The following CAT variants were observed in gnomAD, a reference collection of about 807,000 sequenced individuals.
CAT encodes epididymis secretory sperm binding protein.
In CAT, 43 loss-of-function variants were observed where a neutral mutation model predicts 59.0. The observed-to-expected ratio is 0.73, with a 90% CI of 0.57 to 0.94. The LOEUF (loss-of-function observed/expected upper bound fraction) is 0.94, where lower values mean the gene tolerates loss of function less well. Ranked by LOEUF, CAT falls within the 40% of genes least tolerant of loss-of-function variation. The pLI is 0.00. For missense variants in CAT, 664 were observed against 682.9 expected (o/e 0.97, Z 0.31); for synonymous variants, 218 against 230.9 (o/e 0.94, Z 0.51).
In CAT at chr11:34,455,275, T is replaced by G. The variant is rs1483300665; in HGVS notation, c.712-736T>G. Among the ~76,000 whole-genome samples the G allele has an allele frequency of 2.6e-5, 4 of 152,138 alleles. No individual in the cohort carries two copies. In the East Asian group the frequency reaches 5.8e-4, roughly 22 times the overall value. ...GAAATAGACCAGCGTTCAGAGTTGA[T>G]TTTTGCTAAGGAAATCTTTCTGCGG... On this transcript the variant is annotated intron_variant, in intron 6 of 12. Coordinates refer to ENST00000241052, the MANE Select transcript of CAT (RefSeq NM_001752.4).
In CAT at chr11:34,471,845, T is replaced by G. The variant is rs1445014485; in HGVS notation, c.*412T>G. ...GATGATCTACTCAGAAATTTTTATT[T>G]TTCTAAGGTTCTCATAGGAAAAGTA... On this transcript the variant is annotated 3_prime_UTR_variant, in exon 13 of 13. Transcript: ENST00000241052. The G allele has an allele frequency of 5.0e-6, 1 of 201,790 alleles. No homozygotes were observed. Among genetic ancestry groups the G allele is most frequent in the African/African-American group, 2.4e-5 (1 of 42,388 alleles). The allele number at this position is 201,790 out of a possible 1,614,324, so 12.5% of individuals were successfully genotyped here.
chr11:34,457,282 G>A (rs1205329042), intron 8 of CAT, among the ~76,000 whole-genome samples: 30 of 135,544 alleles, frequency 2.2e-4, no homozygotes, highest in African/African-American at 5.7e-4. Flanking sequence ...GCATGATCTC[G>A]GCTCACTGCA....
chr11:34,470,762 C>T (rs16925614), intron 11 of CAT, 196 bp from the exon 12 acceptor site: 88,291 of 650,328 alleles, frequency 0.14, 6,715 homozygotes, highest in Admixed American at 0.2. Flanking sequence ...CGAGGTTGCT[C>T]AGCCAGTATA....
chr11:34,445,358 T>C (rs1306591004), intron 1 of CAT, among the ~76,000 whole-genome samples: 1 of 146,778 alleles, frequency 6.8e-6, no homozygotes, highest in Non-Finnish European at 1.5e-5. Flanking sequence ...CTGGGTGTGG[T>C]GGTGGTCGCC....
intron 1 of CAT, 100 bp downstream of exon 1, chr11:34,439,179 A>C: frequency 8.8e-7 from 1 of 1,133,114 alleles, no homozygotes; most frequent in Non-Finnish European, 1.3e-6. Context: ...GCTTGGAGGG[A>C]CTGTACCGCG....
rs545564350 is a variant in CAT at position 34,466,767 on chromosome 11, C to A, written c.1327-1521C>A. On this transcript the variant is annotated intron_variant, in intron 10 of 12. Transcript: ENST00000241052. ...CTGCACTCCAGCCTGGGCGACAGAGCGAGACTCCGTCTCAAAAAAAAAAAA... is the reference window on the plus strand; with the variant it reads ...CTGCACTCCAGCCTGGGCGACAGAGAGAGACTCCGTCTCAAAAAAAAAAAA... 1.6e-4 allele frequency among the ~76,000 whole-genome samples: 18 copies of A among 109,260 alleles called. No individual in the cohort carries two copies. In the Admixed American group the frequency reaches 1.7e-3, roughly 11 times the overall value. 71.7% of individuals were successfully genotyped at this position (109,260 alleles called of 152,430 possible).
chr11:34,457,728 A>ATAAT (rs1170735060), intron 8 of CAT, among the ~76,000 whole-genome samples: 1 of 152,238 alleles, frequency 6.6e-6, no homozygotes, highest in Non-Finnish European at 1.5e-5. Flanking sequence ...CAGTAAGAAA[A>ATAAT]TAATTGGCTT....
At chr11:34,469,094 G>A (rs981654123) in intron 11 of CAT, among the ~76,000 whole-genome samples, 3 of 152,154 alleles carry the variant, frequency 2.0e-5, no homozygotes, top group Admixed American at 6.5e-5. Context: ...GCCGCTCATC[G>A]AGCTGAGTGA....
intron 11 of CAT, among the ~76,000 whole-genome samples, chr11:34,469,791 C>T (rs1856755471): frequency 6.6e-6 from 1 of 151,910 alleles, no homozygotes; most frequent in Non-Finnish European, 1.5e-5. Context: ...TCAGCCTCCC[C>T]AGTAGCTTGG....
chr11:34,460,837 C>A (rs970001197), intron 8 of CAT: 25 of 266,362 alleles, frequency 9.4e-5, no homozygotes, highest in African/African-American at 5.6e-4. Context: ...ATGATTGGTT[C>A]CTTCCCTGGA....
intron 8 of CAT, 170 bp from the exon 9 acceptor site, chr11:34,461,081 C>T (rs1344997333): frequency 3.9e-6 from 3 of 765,988 alleles, no homozygotes; most frequent in African/African-American, 3.4e-5. Context: ...TTAGGGAGAA[C>T]TCGTTTCATA....
Position 34,449,308 on chromosome 11 carries a change from G to C in CAT, c.183G>C (p.Met61Ile). 6.2e-7 allele frequency: 1 copy of C among 1,614,156 alleles called. No homozygotes were observed. The highest frequency in any genetic ancestry group is 8.5e-7 in the Non-Finnish European group (1 of 1,179,998). ...LVQDVVFTDE[M>I]AHFDRERIPE... ...AGGATGTGGTTTTCACTGATGAAAT[G>C]GCTCATTTTGACCGAGAGAGAATTC... is the stretch of plus-strand genomic sequence containing the variant. Residue 61 changes from methionine (M) to isoleucine (I), a missense_variant, in exon 2 of 13, where the codon ATG (methionine) becomes ATC (isoleucine). By Grantham distance (10) the Met-to-Ile change is conservative (BLOSUM62 1). Coordinates refer to ENST00000241052, the MANE Select transcript of CAT (RefSeq NM_001752.4).
At chr11:34,450,934 C>G in intron 2 of CAT, 54 bp from the exon 3 acceptor site, 1 of 1,200,042 alleles carries the variant, frequency 8.3e-7, no homozygotes, top group South Asian at 1.2e-5. Flanking sequence ...TGTTGAGGAC[C>G]TGAATGTCTG....
intron 8 of CAT, chr11:34,460,817 TA>T: frequency 4.0e-6 from 1 of 252,368 alleles, no homozygotes; most frequent in Non-Finnish European, 7.8e-6. Flanking sequence ...TTGCTTTTTG[TA>T]AAGAGCAAAT....
At chr11:34,469,516 T>C (rs1047769139) in intron 11 of CAT, among the ~76,000 whole-genome samples, 37 of 152,178 alleles carry the variant, frequency 2.4e-4, no homozygotes, top group Non-Finnish European at 3.7e-4. Flanking sequence ...TCTTGTATCC[T>C]TCACATTAAC....
At chr11:34,455,895 T>C in intron 6 of CAT, 116 bp from the exon 7 acceptor site, 1 of 797,838 alleles carries the variant, frequency 1.3e-6, no homozygotes, top group South Asian at 1.5e-5. Context: ...AGTATTGTTG[T>C]AAAGAAAGTT....
intron 10 of CAT, among the ~76,000 whole-genome samples, chr11:34,466,442 A>C (rs1856718044): frequency 6.6e-6 from 1 of 152,172 alleles, no homozygotes; most frequent in African/African-American, 2.4e-5. Flanking sequence ...AAATAATGGA[A>C]CTGTCAGATA....
chr11:34,449,575 A>G (rs978990658), intron 2 of CAT, among the ~76,000 whole-genome samples: 1 of 152,248 alleles, frequency 6.6e-6, no homozygotes, highest in Non-Finnish European at 1.5e-5. Context: ...TTTTAAAAAT[A>G]GCAGTCTTCC....
At chr11:34,456,324 C>G in intron 7 of CAT, 122 bp downstream of exon 7, 1 of 783,424 alleles carries the variant, frequency 1.3e-6, no homozygotes, top group East Asian at 2.7e-5. Context: ...GAGGGTACCA[C>G]TTCAGAGTGT....
Sources: gnomAD v4.1 joint callset for allele counts (sites outside exome capture counted in the v4.1 genomes callset) on GRCh38, gnomAD v4.1.1 for gene constraint, MANE v1.5 for transcripts, NCBI Gene and HGNC (gene_info 2026-07-23, HGNC 2026-07-21) for gene names.